FCHSD1: variants seen among roughly 807,000 people sequenced by gnomAD.
The protein encoded by FCHSD1 is FCH and double SH3 domains 1.
Under a neutral mutation model 101.3 loss-of-function variants are expected in FCHSD1, and 109 were observed. That is an observed-to-expected ratio of 1.08 (90% CI 0.92 to 1.26). The LOEUF is 1.26. Ranked by LOEUF, FCHSD1 falls within the 50% of genes most tolerant of loss-of-function variation. The pLI is 0.00. For synonymous variants in FCHSD1, 291 were observed against 356.8 expected (o/e 0.82, Z 2.08); for missense variants, 820 against 895.8 (o/e 0.92, Z 1.08).
chr5:141,650,972 C>G (rs1169671165), intron 2 of FCHSD1, 48 bp downstream of exon 2: 1 of 1,507,888 alleles, frequency 6.6e-7, no homozygotes, highest in Admixed American at 2.0e-5. Context: ...GGAGAAGTGG[C>G]GCACAACGAC....
At position 141,641,098 on chromosome 5, in the gene FCHSD1, T is replaced by C; in HGVS notation, c.*400A>G. 1 of 299,872 alleles carries C rather than the reference T, an allele frequency of 3.3e-6. No homozygotes were observed. The highest frequency in any genetic ancestry group is 6.2e-6 in the Non-Finnish European group (1 of 162,568). The allele number at this position is 299,872 out of a possible 1,614,324, so 18.6% of individuals were successfully genotyped here. ...TCGCATCCTGGCTCCAGCTCCTGAT[T>C]CCCAAGGCCTGTTCCTCTCCCCAGC... On this transcript the variant is annotated 3_prime_UTR_variant, in exon 20 of 20. Transcript: ENST00000435817.
Position 141,640,168 on chromosome 5 carries a change from C to G in FCHSD1, c.*1330G>C, listed in dbSNP as rs759302837. 1.2e-6 allele frequency: 2 copies of G among 1,614,154 alleles called. No individual in the cohort carries two copies. Among genetic ancestry groups the G allele is most frequent in the Non-Finnish European group, 1.7e-6 (2 of 1,180,006 alleles). On this transcript the variant is annotated 3_prime_UTR_variant, in exon 20 of 20. Coordinates refer to ENST00000435817, the MANE Select transcript of FCHSD1 (RefSeq NM_033449.3). ...AGGGACAGCAGCCTAACCCCTCGTG[C>G]ACTTGAAGGGAACCCCAGAGCTTCT...
intron 1 of FCHSD1, 33 bp from the exon 2 acceptor site, chr5:141,651,150 C>G: frequency 6.4e-7 from 1 of 1,555,376 alleles, no homozygotes; most frequent in Middle Eastern, 1.7e-4. Flanking sequence ...AAGACCCCAG[C>G]GCAAGGACCT....
chr5:141,640,628 G>A lies in FCHSD1; in HGVS notation c.*870C>T. The A allele has an allele frequency of 6.5e-7, 1 of 1,539,318 alleles. No individual in the cohort carries two copies. The highest frequency in any genetic ancestry group is 8.7e-7 in the Non-Finnish European group (1 of 1,145,432). On this transcript the variant is annotated 3_prime_UTR_variant, in exon 20 of 20. Transcript: ENST00000435817. ...AGCCCCAGGGGAAAAGCTGGACACA[G>A]CTTGAACAGGAAGCAACAGTGTTAT...
chr5:141,645,711 C>T, intron 13 of FCHSD1, 60 bp downstream of exon 13: 4 of 1,535,520 alleles, frequency 2.6e-6, no homozygotes, highest in South Asian at 2.5e-5. Flanking sequence ...ATAGGGTTTG[C>T]CTTCCACTGG....
intron 14 of FCHSD1, 31 bp downstream of exon 14, chr5:141,644,989 G>T (rs199983271): frequency 5.2e-5 from 84 of 1,613,782 alleles, no homozygotes; most frequent in Non-Finnish European, 6.7e-5. Flanking sequence ...CCCCACCCTT[G>T]CCCATCAGAG....
At chr5:141,643,705 G>A (rs955996477) in intron 17 of FCHSD1, among the ~76,000 whole-genome samples, 3 of 152,048 alleles carry the variant, frequency 2.0e-5, no homozygotes, top group African/African-American at 4.8e-5. Flanking sequence ...AAAATTAGCC[G>A]GGCGTGGCAG....
chr5:141,647,470 C>G lies in FCHSD1; in HGVS notation c.756G>C (p.Leu252=). The change falls in exon 9 of 20, where the codon CTG becomes CTC. Residue 252 remains leucine (L), a synonymous_variant. Coordinates refer to ENST00000435817, the MANE Select transcript of FCHSD1 (RefSeq NM_033449.3). ...CTGCGGCTTCCAGCTCAGTGTGGCT[C>G]AGGGAGGTCAGGGGGTCCCTCAAGT... ...SEHLRDPLTS[L]SHTELEAAEV... is the part of the protein sequence containing the mutation. 1 of 1,612,276 alleles carries G rather than the reference C, an allele frequency of 6.2e-7. No individual in the cohort carries two copies. Among genetic ancestry groups the G allele is most frequent in the Non-Finnish European group, 8.5e-7 (1 of 1,179,354 alleles).
At chr5:141,650,505 G>C (rs530062926) in intron 2 of FCHSD1, 101 bp from the exon 3 acceptor site, 103 of 1,377,266 alleles carry the variant, frequency 7.5e-5, no homozygotes, top group Non-Finnish European at 8.5e-5. Context: ...GGAGCGGTTG[G>C]GGGGAGCCAG....
chr5:141,650,951 A>G (rs568704952), intron 2 of FCHSD1, 69 bp downstream of exon 2: 20 of 1,426,062 alleles, frequency 1.4e-5, no homozygotes, highest in Non-Finnish European at 1.9e-5. Context: ...ACCCCAGCAC[A>G]TGTATATTGG....
At position 141,640,516 on chromosome 5, in the gene FCHSD1, C is replaced by T. The variant is rs2099906731; in HGVS notation, c.*982G>A. 5.6e-6 allele frequency: 9 copies of T among 1,611,412 alleles called. No homozygotes were observed. Among genetic ancestry groups the T allele is most frequent in the Non-Finnish European group, 7.6e-6 (9 of 1,178,542 alleles). On this transcript the variant is annotated 3_prime_UTR_variant, in exon 20 of 20. Transcript: ENST00000435817. Reference sequence around the variant, plus strand: ...ACCTACTTAAACTATTTAAGCCTTTCGGCTCCCTGAACCCCCCGAGTAAAC... The same window carrying T: ...ACCTACTTAAACTATTTAAGCCTTTTGGCTCCCTGAACCCCCCGAGTAAAC...
At position 141,649,320 on chromosome 5, in the gene FCHSD1, C is replaced by G; in HGVS notation, c.376-12G>C. 3.1e-6 allele frequency: 5 copies of G among 1,613,982 alleles called. No homozygotes were observed. The South Asian group carries it at 5.5e-5, about 18-fold the overall frequency. ...AGGTTCTCTGTTCCCTATTGGGATG[C>G]ATACACAAAGTCCTTACCTAGACCA... On this transcript the variant is annotated splice_polypyrimidine_tract_variant and intron_variant, in intron 5 of 19. Transcript: ENST00000435817. This position sits in a 1 kb window ranked among gnomAD's most constrained non-coding sequence, Gnocchi z 4.1.
intron 7 of FCHSD1, 82 bp from the exon 8 acceptor site, chr5:141,648,178 T>C (rs1950791913): frequency 6.7e-7 from 1 of 1,491,240 alleles, no homozygotes; most frequent in Non-Finnish European, 9.0e-7. Flanking sequence ...AGATCCAGAA[T>C]GGATTCTCAC....
chr5:141,648,838 A>G, intron 7 of FCHSD1, 119 bp downstream of exon 7: 1 of 1,164,372 alleles, frequency 8.6e-7, no homozygotes, highest in Non-Finnish European at 1.3e-6. Context: ...TTACCCACCC[A>G]GGAAGTAGGA....
rs772519112 is a variant in FCHSD1 at position 141,645,055 on chromosome 5, G to A, written c.1405C>T (p.Leu469Phe). 3 of 1,598,032 alleles carry A rather than the reference G, an allele frequency of 1.9e-6. No individual in the cohort carries two copies. Among genetic ancestry groups the A allele is most frequent in the South Asian group, 1.1e-5 (1 of 88,824 alleles). ...PAPQALATRA[L>F]PCPAHVVFRY... Reference sequence around the variant, plus strand: ...AATACCACGTGTGCAGGGCAGGGGAGGGCCCTCGTGGCCAGGGCTTGGGGG... The same window carrying A: ...AATACCACGTGTGCAGGGCAGGGGAAGGCCCTCGTGGCCAGGGCTTGGGGG... Residue 469 changes from leucine to phenylalanine, a missense_variant, in exon 14 of 20, where the codon CTC becomes TTC. Leu to Phe is a conservative substitution (Grantham distance 22). Coordinates refer to ENST00000435817, the MANE Select transcript of FCHSD1 (RefSeq NM_033449.3).
Position 141,639,620 on chromosome 5 carries a change from A to C in FCHSD1, c.*1878T>G. ...AGGAAGGAAAAAGCCGCCCCCGGAC[A>C]GGGGAGACCACTGTGTTCTCTGTGG... On this transcript the variant is annotated 3_prime_UTR_variant, in exon 20 of 20. Transcript: ENST00000435817. The surrounding 1 kb of genome is among the most constrained non-coding windows in gnomAD (Gnocchi z 4.4). 2 of 1,612,176 alleles carry C rather than the reference A, an allele frequency of 1.2e-6. No individual in the cohort carries two copies. The highest frequency in any genetic ancestry group is 8.5e-7 in the Non-Finnish European group (1 of 1,179,552).
chr5:141,643,419 G>A (rs1399161941), intron 17 of FCHSD1, among the ~76,000 whole-genome samples: 4 of 152,152 alleles, frequency 2.6e-5, no homozygotes, highest in South Asian at 2.1e-4. Context: ...CCAAAATCAC[G>A]AAGCCAGTTA....
intron 17 of FCHSD1, among the ~76,000 whole-genome samples, chr5:141,643,572 G>C (rs573531628): frequency 6.6e-6 from 1 of 152,312 alleles, no homozygotes; most frequent in Admixed American, 6.5e-5. Context: ...TGCCTCGGCG[G>C]GGCGCAGTGG....
At chr5:141,642,097 C>CAGGG (rs2099906984) in intron 18 of FCHSD1, 1 of 512,182 alleles carries the variant, frequency 2.0e-6, no homozygotes, top group Non-Finnish European at 3.5e-6. Context: ...GTGGTAACTC[C>CAGGG]AGGGAGGGAG....
Sources: gnomAD v4.1 joint callset for allele counts (sites outside exome capture counted in the v4.1 genomes callset) on GRCh38, gnomAD v4.1.1 for gene constraint, Gnocchi (gnomAD v3.1) non-coding constraint, MANE v1.5 for transcripts, NCBI Gene and HGNC (gene_info 2026-07-23, HGNC 2026-07-21) for gene names.